EPN2: variants seen among roughly 807,000 people sequenced by gnomAD.
EPN2 encodes epsin-2.
Under a neutral mutation model 61.7 loss-of-function variants are expected in EPN2, and 34 were observed. The ratio of observed to expected loss-of-function variants is 0.55; its 90% confidence interval spans 0.42 to 0.73. The LOEUF (loss-of-function observed/expected upper bound fraction) is 0.73. EPN2 is among the 30% of genes least tolerant of loss of function. The probability of loss-of-function intolerance (pLI) is 0.00; values close to 1 mark genes in which losing one functional copy is unlikely to be tolerated. For synonymous variants in EPN2, 349 were observed against 353.6 expected (o/e 0.99, Z 0.15); for missense variants, 714 against 839.2 (o/e 0.85, Z 1.84).
At chr17:19,333,524 G>A (rs968879834) in intron 10 of EPN2, among the ~76,000 whole-genome samples, 3 of 152,134 alleles carry the variant, frequency 2.0e-5, no homozygotes, top group Middle Eastern at 3.2e-3. Flanking sequence ...TAGCCTTCGC[G>A]GTGTCATATG....
intron 4 of EPN2, chr17:19,308,636 C>T: frequency 1.0e-6 from 1 of 985,340 alleles, no homozygotes; most frequent in Non-Finnish European, 1.2e-6. Flanking sequence ...GAACAGCCTG[C>T]ACGGAGACCC....
rs1285681390 is a variant in EPN2, at chr17:19,334,341, G to A, written c.*87G>A. ...TCTGTGGGACGGGATCCAAGAGTTT[G>A]GGGATTAGGGGTATTAGGGCTTTTC... On this transcript the variant is annotated 3_prime_UTR_variant, in exon 11 of 11. Transcript: ENST00000314728. The surrounding 1 kb of genome is among the most constrained non-coding windows in gnomAD (Gnocchi z 4.9). The A allele has an allele frequency of 7.0e-5, 81 of 1,156,912 alleles. 1 individual carries two copies. Among genetic ancestry groups the A allele is most frequent in the Non-Finnish European group, 1.1e-6 (1 of 874,228 alleles). 71.7% of individuals were successfully genotyped at this position (1,156,912 alleles called of 1,614,324 possible).
chr17:19,314,905 C>T (rs1906314346), intron 7 of EPN2, among the ~76,000 whole-genome samples: 1 of 152,206 alleles, frequency 6.6e-6, no homozygotes, highest in African/African-American at 2.4e-5. Flanking sequence ...AATGATTAGT[C>T]TGTAAAGTGA....
In EPN2 at chr17:19,282,949, G is replaced by T; in HGVS notation, c.-170-1G>T. 1 of 593,906 alleles carries T rather than the reference G, an allele frequency of 1.7e-6. No homozygotes were observed. Among genetic ancestry groups the T allele is most frequent in the South Asian group, 2.2e-5 (1 of 45,984 alleles). 36.8% of individuals were successfully genotyped at this position (593,906 alleles called of 1,614,324 possible). On this transcript the variant is annotated splice_acceptor_variant, in intron 2 of 10. Transcript: ENST00000314728. LOFTEE classifies it low-confidence loss of function (5UTR_SPLICE). The stretch of plus-strand genomic sequence containing the variant: ...GTGGAATGGGTTTTCTCTTTCTCTA[G>T]GTCATGGCTTCCAGCTTTTCGAATC...
At chr17:19,276,773 GTT>G (rs80078595) in intron 1 of EPN2, among the ~76,000 whole-genome samples, 4,862 of 119,280 alleles carry the variant, frequency 0.041, 322 homozygotes, top group South Asian at 0.22. Flanking sequence ...ATGAGAATAA[GTT>G]TTTTTTTTTT....
intron 7 of EPN2, among the ~76,000 whole-genome samples, chr17:19,322,558 T>C (rs960889605): frequency 2.7e-5 from 4 of 146,256 alleles, no homozygotes; most frequent in African/African-American, 1.0e-4. Flanking sequence ...CTGGGCAACA[T>C]AGGGAGACCC....
intron 6 of EPN2, among the ~76,000 whole-genome samples, chr17:19,312,569 T>C (rs1941904215): frequency 6.6e-6 from 1 of 152,152 alleles, no homozygotes; most frequent in Non-Finnish European, 1.5e-5. Context: ...CTTGACAAGC[T>C]CATCATCATC....
chr17:19,334,390 G>T lies in EPN2; in HGVS notation c.*136G>T. 5.7e-6 allele frequency: 4 copies of T among 699,704 alleles called. No homozygotes were observed. Among genetic ancestry groups the T allele is most frequent in the Non-Finnish European group, 8.3e-6 (4 of 480,092 alleles). 43.3% of individuals were successfully genotyped at this position (699,704 alleles called of 1,614,324 possible). On this transcript the variant is annotated 3_prime_UTR_variant, in exon 11 of 11. Transcript: ENST00000314728. This position sits in a 1 kb window ranked among gnomAD's most constrained non-coding sequence, Gnocchi z 4.9. ...TCAGCTCCAGCTTCCTGATGAAAGG[G>T]CTGTCTTTACAGCCCCAACCCTCAG...
At chr17:19,316,915 C>T (rs1906411298) in intron 7 of EPN2, among the ~76,000 whole-genome samples, 1 of 152,246 alleles carries the variant, frequency 6.6e-6, no homozygotes, top group Non-Finnish European at 1.5e-5. Context: ...TGGCCCTCTG[C>T]TAGCTCCTGC....
At position 19,283,807 on chromosome 17, in the gene EPN2, A is replaced by G. The variant is rs2152217715; in HGVS notation, c.595+93A>G. On this transcript the variant is annotated intron_variant, in intron 3 of 10. Transcript: ENST00000314728. The surrounding 1 kb of genome is among the most constrained non-coding windows in gnomAD (Gnocchi z 7.0). Reference sequence around the variant, plus strand: ...TCTCTGGGCTTAGGGAGTGGTGGCCACTGCAGAGCTCGAACCTGTCCTCAG... The same window carrying G: ...TCTCTGGGCTTAGGGAGTGGTGGCCGCTGCAGAGCTCGAACCTGTCCTCAG... 1 of 937,102 alleles carries G rather than the reference A, an allele frequency of 1.1e-6. No individual in the cohort carries two copies. Among genetic ancestry groups the G allele is most frequent in the South Asian group, 1.7e-5 (1 of 57,914 alleles). The allele number at this position is 937,102 out of a possible 1,614,324, so 58.0% of individuals were successfully genotyped here. A position where few individuals can be genotyped will look rare whatever the true frequency, so the allele number is the denominator to read the frequency against.
At chr17:19,329,391 G>A (rs1464399183) in intron 8 of EPN2, 170 bp from the exon 9 acceptor site, 1 of 571,976 alleles carries the variant, frequency 1.7e-6, no homozygotes, top group African/African-American at 1.9e-5. Context: ...CAGCGTGCTG[G>A]TGACCCCAGG....
rs1194160621 is a variant in EPN2, at chr17:19,319,632, C to CT, written c.1147+6363dup. Among the ~76,000 whole-genome samples, 331 of 147,826 alleles carry CT rather than the reference C, an allele frequency of 2.2e-3. 6 individuals are homozygous for CT. In the East Asian group the frequency reaches 0.049, roughly 22 times the overall value. On this transcript the variant is annotated intron_variant, in intron 7 of 10. Transcript: ENST00000314728. ...AGGCGTGAGCCACCTCGCCTGGCCC[C>CT]TTTTTTTTTTATTTTTTATTTTTAT...
intron 4 of EPN2, among the ~76,000 whole-genome samples, chr17:19,305,329 G>A (rs9901051): frequency 6.6e-6 from 1 of 152,058 alleles, no homozygotes; most frequent in East Asian, 1.9e-4. Context: ...GCCCTCGTTG[G>A]CCAGGCTGAT....
chr17:19,263,907 G>A (rs1198351868), intron 1 of EPN2, among the ~76,000 whole-genome samples: 2 of 148,852 alleles, frequency 1.3e-5, no homozygotes, highest in Non-Finnish European at 3.0e-5. Flanking sequence ...AGGGGGGCTG[G>A]AGCGAGAAGG....
Position 19,293,406 on chromosome 17 carries a change from G to A in EPN2, c.766+7616G>A, listed in dbSNP as rs911622906. Among the ~76,000 whole-genome samples, 6 of 150,216 alleles carry A rather than the reference G, an allele frequency of 4.0e-5. No homozygotes were observed. In the South Asian group the frequency reaches 1.3e-3, roughly 31 times the overall value. On this transcript the variant is annotated intron_variant, in intron 4 of 10. Transcript: ENST00000314728. ...AAAAAAAAAGACAGGGTCTTGCTCT[G>A]TTGCTCAGGCTGGAGTGCAGTGGTG...
At chr17:19,323,869 G>A (rs1159639036) in intron 7 of EPN2, among the ~76,000 whole-genome samples, 1 of 152,234 alleles carries the variant, frequency 6.6e-6, no homozygotes, top group Non-Finnish European at 1.5e-5. Flanking sequence ...AAGAGAATTT[G>A]TTGCCAGCAC....
chr17:19,237,989 G>A lies in EPN2; in HGVS notation c.-294+458G>A, dbSNP rs546223423. On this transcript the variant is annotated intron_variant, in intron 1 of 10. Transcript: ENST00000314728. ...GGTCTCCCGCCAGCCCCCGTGCAGA[G>A]CCCGGTCCGGGCGCCCTCCGGGAAT... Among the ~76,000 whole-genome samples, 455 of 152,302 alleles carry A rather than the reference G, an allele frequency of 3.0e-3. 1 individual carries two copies. The highest frequency in any genetic ancestry group is 6.8e-3 in the Middle Eastern group (2 of 294).
At chr17:19,281,510 T>G (rs191211129) in intron 1 of EPN2, among the ~76,000 whole-genome samples, 37 of 152,316 alleles carry the variant, frequency 2.4e-4, no homozygotes, top group Admixed American at 1.9e-3. Flanking sequence ...CTTGCTTGTT[T>G]TTTTGATGTG....
At chr17:19,326,409 A>G (rs1047115847) in intron 7 of EPN2, among the ~76,000 whole-genome samples, 9 of 152,306 alleles carry the variant, frequency 5.9e-5, no homozygotes, top group Admixed American at 3.9e-4. Context: ...GCAAGTGGCC[A>G]GGCGTGGTGG....
Sources: allele counts gnomAD v4.1 joint callset (sites outside exome capture counted in the v4.1 genomes callset), GRCh38; gene constraint gnomAD v4.1.1; non-coding constraint Gnocchi (gnomAD v3.1); transcripts MANE v1.5; gene names NCBI Gene and HGNC (gene_info 2026-07-23, HGNC 2026-07-21).